LOC400499: variants seen among roughly 807,000 people sequenced by gnomAD.
At chr16:11,398,791 C>G in the LOC400499 span, among the ~76,000 whole-genome samples, 3 of 152,064 alleles carry the variant, frequency 2.0e-5, 1 homozygote, top group East Asian at 5.8e-4. Flanking sequence ...TCCCAAATAG[C>G]TAGGATTACA....
the LOC400499 span, among the ~76,000 whole-genome samples, chr16:11,437,888 A>C: frequency 6.6e-6 from 1 of 152,118 alleles, no homozygotes; most frequent in African/African-American, 2.4e-5. Flanking sequence ...TAATGATAAT[A>C]ATGTTTGCAC....
the LOC400499 span, among the ~76,000 whole-genome samples, chr16:11,485,595 A>C: frequency 6.6e-6 from 1 of 151,874 alleles, no homozygotes; most frequent in Admixed American, 6.6e-5. Flanking sequence ...CTATCCTTTC[A>C]TCCTTCCCAC....
At chr16:11,484,854 C>A in the LOC400499 span, 5 of 398,912 alleles carry the variant, frequency 1.3e-5, no homozygotes, top group African/African-American at 2.1e-5. Context: ...TGGGGGAGTA[C>A]AGTGGGTGTG....
chr16:11,525,289 T>TC, the LOC400499 span, among the ~76,000 whole-genome samples: 164 of 110,826 alleles, frequency 1.5e-3, 1 homozygote, highest in African/African-American at 3.9e-3. Context: ...TAAGACCTTG[T>TC]CCCAAAAAAA....
chr16:11,516,733 C>A, the LOC400499 span, among the ~76,000 whole-genome samples: 4 of 152,156 alleles, frequency 2.6e-5, no homozygotes, highest in Non-Finnish European at 5.9e-5. Flanking sequence ...GCAGCCTCAA[C>A]CTTATAGGCT....
At chr16:11,463,613 T>G in the LOC400499 span, among the ~76,000 whole-genome samples, 4 of 152,224 alleles carry the variant, frequency 2.6e-5, no homozygotes, top group African/African-American at 4.8e-5. Context: ...TGCATGTATA[T>G]GAATGTATGC....
the LOC400499 span, among the ~76,000 whole-genome samples, chr16:11,461,448 T>G: frequency 2.0e-5 from 3 of 152,214 alleles, no homozygotes; most frequent in African/African-American, 7.2e-5. Flanking sequence ...CTTAAACTCC[T>G]GGGCTCAAGT....
the LOC400499 span, among the ~76,000 whole-genome samples, chr16:11,480,525 G>T: frequency 2.0e-5 from 3 of 152,126 alleles, no homozygotes; most frequent in African/African-American, 7.2e-5. Flanking sequence ...CTCCAACAAT[G>T]GGAAAATGGT....
At chr16:11,453,134 A>C in the LOC400499 span, among the ~76,000 whole-genome samples, 1 of 152,160 alleles carries the variant, frequency 6.6e-6, no homozygotes, top group Non-Finnish European at 1.5e-5. Flanking sequence ...AGAGGTGGCC[A>C]AGTGTGGAAA....
chr16:11,477,846 A>T, the LOC400499 span: 1 of 398,908 alleles, frequency 2.5e-6, no homozygotes, highest in African/African-American at 2.1e-5. Context: ...CCATTCACAG[A>T]GAAATCCGAG....
the LOC400499 span, chr16:11,500,819 C>T: frequency 5.0e-6 from 2 of 398,972 alleles, no homozygotes; most frequent in Non-Finnish European, 8.8e-6. Flanking sequence ...GCATGTGGAC[C>T]ATAGCATCTG....
At chr16:11,385,313 A>G in the LOC400499 span, 1 of 1,232,216 alleles carries the variant, frequency 8.1e-7, no homozygotes, top group Non-Finnish European at 1.0e-6. Context: ...ATGTGTTGTG[A>G]GCAAAGTCCT....
At chr16:11,394,016 G>T in the LOC400499 span, among the ~76,000 whole-genome samples, 1 of 152,170 alleles carries the variant, frequency 6.6e-6, no homozygotes, top group Non-Finnish European at 1.5e-5. Flanking sequence ...CCACAGGGTG[G>T]CTTAGAGATG....
the LOC400499 span, chr16:11,460,378 G>C: frequency 2.2e-6 from 3 of 1,337,812 alleles, no homozygotes. Context: ...GTGATTGTGA[G>C]CAAGTCCATC....
chr16:11,526,797 G>C, the LOC400499 span, among the ~76,000 whole-genome samples: 1 of 152,006 alleles, frequency 6.6e-6, no homozygotes, highest in Admixed American at 6.6e-5. Context: ...CTGCAGCCTC[G>C]ACCTGCTGGG....
chr16:11,386,924 G>A, the LOC400499 span, among the ~76,000 whole-genome samples: 49 of 152,334 alleles, frequency 3.2e-4, no homozygotes, highest in Non-Finnish European at 6.5e-4. Context: ...CCCCTCTGCA[G>A]GGCCAAGACT....
At chr16:11,397,797 G>GGATGGATGGATGGATGGATGGAT in the LOC400499 span, among the ~76,000 whole-genome samples, 3 of 142,366 alleles carry the variant, frequency 2.1e-5, no homozygotes, top group African/African-American at 8.3e-5. Flanking sequence ...GAGGGAGGGA[G>GGATGGATGGATGGATGGATGGAT]GGATGGACGG....
chr16:11,397,769 G>GGAT, the LOC400499 span, among the ~76,000 whole-genome samples: 2 of 29,452 alleles, frequency 6.8e-5, no homozygotes, highest in African/African-American at 1.7e-4. Flanking sequence ...GAGGGAGGGA[G>GGAT]GGATGGAGGG....
chr16:11,487,566 G>C, the LOC400499 span, among the ~76,000 whole-genome samples: 2 of 152,124 alleles, frequency 1.3e-5, no homozygotes, highest in Non-Finnish European at 2.9e-5. Flanking sequence ...CCAGGACACA[G>C]AGTCACACAC....
Sources: allele counts gnomAD v4.1 joint callset (sites outside exome capture counted in the v4.1 genomes callset), GRCh38; gene constraint gnomAD v4.1.1; transcripts MANE v1.5.